MAP4K3: variants seen among roughly 807,000 people sequenced by gnomAD.
MAP4K3 encodes the protein mitogen-activated protein kinase kinase kinase kinase 3.
A neutral mutation model predicts 143.5 loss-of-function variants in MAP4K3; 94 were observed. That is an observed-to-expected ratio of 0.65 (90% CI 0.55 to 0.78). MAP4K3 has a LOEUF of 0.78. Among genes scored for constraint, MAP4K3 ranks in the 30% least tolerant of loss-of-function variants. The pLI, the probability that MAP4K3 is intolerant of heterozygous loss-of-function variation, is 0.00. For synonymous variants in MAP4K3, 416 were observed against 347.2 expected, an observed-to-expected ratio of 1.20 and a Z score of -2.20; for missense variants, 1,077 against 1,068.1, an observed-to-expected ratio of 1.01 and a Z score of -0.12.
At chr2:39,304,178 T>C (rs1682611086) in intron 15 of MAP4K3, among the ~76,000 whole-genome samples, 1 of 151,632 alleles carries the variant, frequency 6.6e-6, no homozygotes, top group South Asian at 2.1e-4. Flanking sequence ...AGAGCACTTT[T>C]GGATAGCACA....
At chr2:39,335,528 T>A (rs1664920234) in intron 6 of MAP4K3, among the ~76,000 whole-genome samples, 1 of 152,214 alleles carries the variant, frequency 6.6e-6, no homozygotes, top group South Asian at 2.1e-4. Context: ...TTCTCTTCAA[T>A]AATATGGTAC....
intron 1 of MAP4K3, among the ~76,000 whole-genome samples, chr2:39,429,431 T>C (rs913948327): frequency 2.6e-5 from 4 of 152,196 alleles, no homozygotes; most frequent in African/African-American, 9.6e-5. Flanking sequence ...CAGCAGGCTG[T>C]GTATATAAAA....
chr2:39,332,141 T>C, intron 7 of MAP4K3, 152 bp from the exon 8 acceptor site: 1 of 480,580 alleles, frequency 2.1e-6, no homozygotes, highest in African/African-American at 1.9e-5. Context: ...ATTTTAACCT[T>C]AATGGACTCG....
intron 24 of MAP4K3, among the ~76,000 whole-genome samples, chr2:39,275,155 T>C (rs1471496830): frequency 1.3e-5 from 2 of 152,200 alleles, no homozygotes; most frequent in Non-Finnish European, 2.9e-5. Flanking sequence ...GGGAAGTTAT[T>C]GCAGACTGGG....
At chr2:39,300,398 TA>T (rs1415660996) in intron 15 of MAP4K3, among the ~76,000 whole-genome samples, 1 of 152,226 alleles carries the variant, frequency 6.6e-6, no homozygotes, top group East Asian at 1.9e-4. Flanking sequence ...CTCAACTGTT[TA>T]AACACCTTCC....
chr2:39,368,260 C>G (rs1452855302), intron 2 of MAP4K3, among the ~76,000 whole-genome samples: 1 of 151,862 alleles, frequency 6.6e-6, no homozygotes, highest in Non-Finnish European at 1.5e-5. Flanking sequence ...GGAGTAAGGA[C>G]AGAAAAAGGA....
chr2:39,286,240 A>G (rs1300655903), intron 21 of MAP4K3, among the ~76,000 whole-genome samples: 1 of 152,228 alleles, frequency 6.6e-6, no homozygotes, highest in Non-Finnish European at 1.5e-5. Flanking sequence ...TTGCATGCAC[A>G]CTTCACAACA....
At chr2:39,436,826 G>C (rs548587132) in intron 1 of MAP4K3, 66 bp downstream of exon 1, 5 of 1,411,326 alleles carry the variant, frequency 3.5e-6, no homozygotes, top group African/African-American at 2.9e-5. Context: ...GCAAGGGCTC[G>C]GACGCCCAGG....
At chr2:39,371,226 G>C (rs1666072473) in intron 2 of MAP4K3, among the ~76,000 whole-genome samples, 1 of 152,192 alleles carries the variant, frequency 6.6e-6, no homozygotes, top group African/African-American at 2.4e-5. Flanking sequence ...GAAGTGAGGT[G>C]AAATTTAAAT....
intron 3 of MAP4K3, 111 bp from the exon 4 acceptor site, chr2:39,343,563 T>C (rs775546620): frequency 1.1e-5 from 8 of 729,884 alleles, no homozygotes; most frequent in Non-Finnish European, 1.6e-5. Context: ...ACAAATGCAA[T>C]GTGTTATCTT....
At chr2:39,325,158 T>C (rs78002903) in intron 12 of MAP4K3, among the ~76,000 whole-genome samples, 1 of 152,166 alleles carries the variant, frequency 6.6e-6, no homozygotes. Context: ...AAATTTTGAA[T>C]ATTCAAATGT....
intron 3 of MAP4K3, among the ~76,000 whole-genome samples, chr2:39,351,545 C>T (rs1310227200): frequency 1.3e-5 from 2 of 152,132 alleles, no homozygotes; most frequent in African/African-American, 2.4e-5. Flanking sequence ...GAAATCAACA[C>T]TGCACTCTAC....
chr2:39,309,277 C>A (rs1682851486), intron 14 of MAP4K3, among the ~76,000 whole-genome samples, 184 bp downstream of exon 14: 1 of 152,130 alleles, frequency 6.6e-6, no homozygotes, highest in African/African-American at 2.4e-5. Flanking sequence ...GTACACACTG[C>A]CACGTCAACT....
chr2:39,401,880 A>T (rs1473907576), intron 1 of MAP4K3, among the ~76,000 whole-genome samples: 2 of 152,230 alleles, frequency 1.3e-5, no homozygotes, highest in African/African-American at 4.8e-5. Flanking sequence ...GAATACTAAC[A>T]GGAATACAAA....
At chr2:39,291,200 CACT>C (rs1682032789) in intron 18 of MAP4K3, among the ~76,000 whole-genome samples, 1 of 152,154 alleles carries the variant, frequency 6.6e-6, no homozygotes, top group African/African-American at 2.4e-5. Context: ...CTGATCAGAT[CACT>C]ACATTATATG....
At chr2:39,378,878 C>T (rs1396732736) in intron 1 of MAP4K3, among the ~76,000 whole-genome samples, 1 of 151,162 alleles carries the variant, frequency 6.6e-6, no homozygotes, top group African/African-American at 2.4e-5. Context: ...TTTATGTGTA[C>T]ATATAACAAT....
chr2:39,377,160 C>A (rs563982589), intron 2 of MAP4K3, among the ~76,000 whole-genome samples: 1 of 147,652 alleles, frequency 6.8e-6, no homozygotes, highest in South Asian at 2.1e-4. Context: ...AATATAGAGA[C>A]CATACATGAC....
intron 23 of MAP4K3, among the ~76,000 whole-genome samples, chr2:39,278,998 G>A (rs1038826778): frequency 6.6e-6 from 1 of 152,130 alleles, no homozygotes; most frequent in Non-Finnish European, 1.5e-5. Flanking sequence ...TCTTCTAAAA[G>A]ATATGAGAAG....
chr2:39,337,963 A>G (rs1665022293), intron 4 of MAP4K3, among the ~76,000 whole-genome samples: 1 of 151,644 alleles, frequency 6.6e-6, no homozygotes, highest in Non-Finnish European at 1.5e-5. Flanking sequence ...GGGTCTCATT[A>G]TCTTGCCCAG....
Sources: gnomAD v4.1 joint callset for allele counts (sites outside exome capture counted in the v4.1 genomes callset) on GRCh38, gnomAD v4.1.1 for gene constraint, MANE v1.5 for transcripts, NCBI Gene and HGNC (gene_info 2026-07-23, HGNC 2026-07-21) for gene names.